Variants in PTPRF observed in about 807,000 individuals in gnomAD.
The protein encoded by PTPRF is protein tyrosine phosphatase receptor type F.
PTPRF carries 59 observed loss-of-function variants against 201.8 expected under a neutral mutation model. The observed-to-expected ratio is 0.29, with a 90% CI of 0.24 to 0.36. The LOEUF (loss-of-function observed/expected upper bound fraction) is 0.36. PTPRF is among the 10% of genes least tolerant of loss of function. The pLI, the probability that PTPRF is intolerant of heterozygous loss-of-function variation, is 1.00. For synonymous variants in PTPRF, 1,088 were observed against 1,089.7 expected (o/e 1.00, Z 0.03); for missense variants, 2,132 against 2,690.5 (o/e 0.79, Z 4.59).
intron 16 of PTPRF, 40 bp downstream of exon 16, chr1:43,604,229 T>C: frequency 1.9e-6 from 3 of 1,588,604 alleles, no homozygotes; most frequent in Non-Finnish European, 2.6e-6. Context: ...CGAGTGTGGC[T>C]GCATCTGGGG....
At position 43,554,895 on chromosome 1, in the gene PTPRF, C is replaced by A. The variant is rs1645252755; in HGVS notation, c.379+954C>A. ...TGAGATGCAGTCTCACTCTTGTTGC[C>A]CAGGCTGGAGTGCAATGGTGTGATC... On this transcript the variant is annotated intron_variant, in intron 5 of 33. Transcript: ENST00000359947. This position sits in a 1 kb window ranked among gnomAD's most constrained non-coding sequence, Gnocchi z 4.1. Among the ~76,000 whole-genome samples the A allele has an allele frequency of 3.3e-5, 5 of 150,026 alleles. No individual in the cohort carries two copies. In the South Asian group the frequency reaches 1.1e-3, roughly 32 times the overall value.
intron 6 of PTPRF, among the ~76,000 whole-genome samples, chr1:43,575,748 C>T (rs1443980926): frequency 3.3e-5 from 5 of 152,170 alleles, no homozygotes; most frequent in African/African-American, 1.2e-4. Flanking sequence ...TGCCTGCTTG[C>T]TCACACACTG....
At chr1:43,579,333 G>A in intron 7 of PTPRF, 1 of 407,646 alleles carries the variant, frequency 2.5e-6, no homozygotes, top group Non-Finnish European at 5.0e-6. Context: ...CCTCCTGCCT[G>A]CCGCAGCATG....
rs1317650582 is a variant in PTPRF, at chr1:43,619,366, C to A, written c.4725C>A (p.Asp1575Glu). 6.8e-6 allele frequency: 11 copies of A among 1,614,022 alleles called. No individual in the cohort carries two copies. Among genetic ancestry groups the A allele is most frequent in the Non-Finnish European group, 9.3e-6 (11 of 1,180,024 alleles). ...GGATGAAGCACGAGAAGACGGTGGA[C>A]ATCTATGGCCACGTGACCTGCATGC... ...LERMKHEKTV[D>E]IYGHVTCMRS... The change falls in exon 28 of 34, where the codon GAC (aspartate) becomes GAA (glutamate). Residue 1575 changes from aspartate to glutamate, a missense_variant. This residue lies in a region of PTPRF where 519 missense variants were observed against 659.5 expected (regional missense o/e 0.79). Transcript: ENST00000359947.
chr1:43,591,248 G>C lies in PTPRF; in HGVS notation c.1226G>C (p.Gly409Ala). 1 of 1,585,512 alleles carries C rather than the reference G, an allele frequency of 6.3e-7. No individual in the cohort carries two copies. Residue 409 changes from glycine to alanine, a missense_variant, in exon 9 of 34, where the codon GGA becomes GCA. Gly to Ala is a moderately conservative substitution (Grantham distance 60). Around this residue, in one of 6 missense-constraint regions of PTPRF, gnomAD observed 351 missense variants for 401.7 expected, o/e 0.87. Coordinates refer to ENST00000359947, the MANE Select transcript of PTPRF (RefSeq NM_002840.5). ...AGCGAGGCAGTGCGGGCACGCACGG[G>C]AGAACAGGCGCCCTCCAGCCCACCG... Reference protein sequence around the residue: ...PPSEAVRARTGEQAPSSPPRR... With the variant: ...PPSEAVRARTAEQAPSSPPRR...
At chr1:43,573,974 GTTCTTTTTTTTTTT>G (rs869137829) in intron 6 of PTPRF, among the ~76,000 whole-genome samples, 3 of 96,380 alleles carry the variant, frequency 3.1e-5, no homozygotes, top group Non-Finnish European at 4.1e-5. Context: ...GCTTGTGTGG[GTTCTTTTTTTTTTT>G]TTTTTTTTTT....
Position 43,537,715 on chromosome 1 carries a change from T to TG in PTPRF, c.-125-480dup, listed in dbSNP as rs1229912841. Among the ~76,000 whole-genome samples, 1 of 152,156 alleles carries TG rather than the reference T, an allele frequency of 6.6e-6. No homozygotes were observed. Among genetic ancestry groups the TG allele is most frequent in the Admixed American group, 6.5e-5 (1 of 15,280 alleles). On this transcript the variant is annotated intron_variant, in intron 1 of 33. Transcript: ENST00000359947. This position sits in a 1 kb window ranked among gnomAD's most constrained non-coding sequence, Gnocchi z 4.8. ...CGAGGGTAAGTTGGCCAGAAGAGCA[T>TG]GGGTAGCCTGTGCCAGGCAGTGGCA...
chr1:43,598,338 TACTC>T lies in PTPRF; in HGVS notation c.2119+287_2119+290del, dbSNP rs552454066. ...AGATTGGGCAGATTGGTGTAAAAGA[TACTC>T]AAAGTAGAATCAGCAAGACTCCACG... On this transcript the variant is annotated intron_variant, in intron 12 of 33. Coordinates refer to ENST00000359947, the MANE Select transcript of PTPRF (RefSeq NM_002840.5). 6.9e-4 allele frequency: 318 copies of T among 463,984 alleles called. 1 individual carries two copies. Among genetic ancestry groups the T allele is most frequent in the Non-Finnish European group, 9.7e-4 (257 of 265,256 alleles). The allele number at this position is 463,984 out of a possible 1,614,324, so 28.7% of individuals were successfully genotyped here. A position where few individuals can be genotyped will look rare whatever the true frequency, so the allele number is the denominator to read the frequency against.
chr1:43,528,743 G>A (rs921491415), upstream of PTPRF: 5 of 152,222 alleles, frequency 3.3e-5, no homozygotes, highest in South Asian at 2.1e-4. Context: ...TGCCTGAGAC[G>A]GGCAGTATTG....
upstream of PTPRF, among the ~76,000 whole-genome samples, chr1:43,527,192 G>A (rs1643152133): frequency 6.6e-6 from 1 of 152,212 alleles, no homozygotes; most frequent in Non-Finnish European, 1.5e-5. Flanking sequence ...GCACCCTGGG[G>A]CTGGAACACA....
At chr1:43,578,774 G>A (rs749564009) in intron 6 of PTPRF, 36 bp from the exon 7 acceptor site, 1 of 1,521,866 alleles carries the variant, frequency 6.6e-7, no homozygotes, top group Non-Finnish European at 9.1e-7. Flanking sequence ...CACTCGACAT[G>A]GGCCGTGCCT....
At chr1:43,601,624 A>G (rs1179668516) in intron 13 of PTPRF, among the ~76,000 whole-genome samples, 1 of 152,234 alleles carries the variant, frequency 6.6e-6, no homozygotes, top group Non-Finnish European at 1.5e-5. Context: ...CATGGCAACA[A>G]GCACAGGCCA....
intron 13 of PTPRF, among the ~76,000 whole-genome samples, chr1:43,600,210 C>T (rs1653405180): frequency 6.6e-6 from 1 of 152,178 alleles, no homozygotes; most frequent in South Asian, 2.1e-4. Flanking sequence ...TCAGTGAACA[C>T]ACCTACCCAG....
rs778154477 is a variant in PTPRF, at chr1:43,547,556, A to G, written c.91+2390A>G. On this transcript the variant is annotated intron_variant, in intron 3 of 33. Transcript: ENST00000359947. ...GGGCTCAGGCTGAGCTTGGGCAACT[A>G]CTAGCCAGGGGCAAGTGGCCATACA... Among the ~76,000 whole-genome samples, 6 of 152,360 alleles carry G rather than the reference A, an allele frequency of 3.9e-5. No individual in the cohort carries two copies. The South Asian group carries it at 8.3e-4, about 21-fold the overall frequency.
intron 11 of PTPRF, 141 bp from the exon 12 acceptor site, chr1:43,597,607 C>T (rs903214614): frequency 1.5e-6 from 1 of 656,332 alleles, no homozygotes; most frequent in East Asian, 2.8e-5. Context: ...CAGCAGCCTG[C>T]CTGGAGGGAC....
At chr1:43,598,511 G>A (rs996535963) in intron 12 of PTPRF, 6 of 567,490 alleles carry the variant, frequency 1.1e-5, no homozygotes, top group Non-Finnish European at 1.9e-5. Context: ...GGGCCAGAGG[G>A]GTGGGCAGGG....
rs367863653 is a variant in PTPRF at position 43,622,570 on chromosome 1, G to A, written c.*567G>A. 29 of 152,784 alleles carry A rather than the reference G, an allele frequency of 1.9e-4. No individual in the cohort carries two copies. Among genetic ancestry groups the A allele is most frequent in the Non-Finnish European group, 3.1e-4 (21 of 68,280 alleles). 9.5% of individuals were successfully genotyped at this position (152,784 alleles called of 1,614,324 possible). A position where few individuals can be genotyped will look rare whatever the true frequency, so the allele number is the denominator to read the frequency against. On this transcript the variant is annotated 3_prime_UTR_variant, in exon 34 of 34. Transcript: ENST00000359947. ...CTGAGCGGAGGCTCGGCCGTGGGCC[G>A]GGAGGCAGTGCTGATCCGGCTGCTC...
intron 5 of PTPRF, 48 bp from the exon 6 acceptor site, chr1:43,569,542 G>T (rs769387238): frequency 5.9e-6 from 9 of 1,529,206 alleles, no homozygotes; most frequent in Non-Finnish European, 8.0e-6. Context: ...GGGGTCATAG[G>T]GGGCAGGCAG....
intron 13 of PTPRF, among the ~76,000 whole-genome samples, chr1:43,600,093 C>G (rs1228014854): frequency 6.6e-6 from 1 of 152,218 alleles, no homozygotes; most frequent in African/African-American, 2.4e-5. Context: ...AGAGGGTGCT[C>G]TCTTCCCCCT....
Sources: allele counts gnomAD v4.1 joint callset (sites outside exome capture counted in the v4.1 genomes callset), GRCh38; gene constraint gnomAD v4.1.1; regional missense constraint gnomAD v4.1.1; non-coding constraint Gnocchi (gnomAD v3.1); transcripts MANE v1.5; gene names NCBI Gene and HGNC (gene_info 2026-07-23, HGNC 2026-07-21).